The following HDAC9 variants were observed in gnomAD, a reference collection of about 807,000 sequenced individuals.
The protein encoded by HDAC9 is MEF-2 interacting transcription repressor (MITR) protein.
HDAC9 carries 41 observed loss-of-function variants against 139.4 expected under a neutral mutation model. The ratio of observed to expected loss-of-function variants is 0.29; its 90% CI spans 0.23 to 0.38. The LOEUF is 0.38. HDAC9 is among the 10% of genes least tolerant of loss of function. The probability of loss-of-function intolerance (pLI) is 1.00; values close to 1 mark genes in which losing one functional copy is unlikely to be tolerated. For synonymous variants in HDAC9, 517 were observed against 476.2 expected (o/e 1.09, Z -1.12); for missense variants, 1,147 against 1,297.0 (o/e 0.88, Z 1.78).
intron 12 of HDAC9, among the ~76,000 whole-genome samples, chr7:18,719,017 G>A (rs1784924979): frequency 6.6e-6 from 1 of 152,160 alleles, no homozygotes; most frequent in African/African-American, 2.4e-5. Context: ...ATCCCTGATA[G>A]CTAATGAAGT....
intron 2 of HDAC9, among the ~76,000 whole-genome samples, chr7:18,274,241 A>T (rs913446922): frequency 3.3e-5 from 5 of 152,176 alleles, no homozygotes; most frequent in Non-Finnish European, 5.9e-5. Flanking sequence ...ATTTATTTTT[A>T]AAAATAGTTT....
chr7:18,261,501 G>C, intron 2 of HDAC9, among the ~76,000 whole-genome samples: 1 of 152,146 alleles, frequency 6.6e-6, no homozygotes, highest in Non-Finnish European at 1.5e-5. Flanking sequence ...TTATAGGATA[G>C]TCACACAAGT....
At chr7:18,769,514 T>G (rs1214287846) in intron 16 of HDAC9, among the ~76,000 whole-genome samples, 1 of 151,560 alleles carries the variant, frequency 6.6e-6, no homozygotes, top group Non-Finnish European at 1.5e-5. Context: ...TGGAGAAGGT[T>G]GGAGAGATGT....
intron 16 of HDAC9, among the ~76,000 whole-genome samples, chr7:18,777,314 C>T (rs1790855727): frequency 7.1e-6 from 1 of 139,864 alleles, no homozygotes; most frequent in South Asian, 2.5e-4. Context: ...TAAAAATGTC[C>T]TGACATTTGC....
At position 18,328,119 on chromosome 7, in the gene HDAC9, A is replaced by G. The variant is rs956410237; in HGVS notation, c.-42+37604A>G. 3.3e-5 allele frequency among the ~76,000 whole-genome samples: 5 copies of G among 152,034 alleles called. No individual in the cohort carries two copies. In the East Asian group the frequency reaches 9.7e-4, roughly 29 times the overall value. ...CATTACAATAAAATGAAATTATAGA[A>G]ACTTAACCCATGAGTATTTTTCTCT... On this transcript the variant is annotated intron_variant, in intron 1 of 3. Coordinates refer to the HDAC9 transcript ENST00000413509.
rs148749171 is a variant in HDAC9 at position 18,278,488 on chromosome 7, G to A, written c.25+116139G>A. 8.5e-5 allele frequency among the ~76,000 whole-genome samples: 13 copies of A among 152,268 alleles called. No individual in the cohort carries two copies. In the East Asian group the frequency reaches 2.5e-3, roughly 29 times the overall value. ...TCTGTATTGTGCTGTTGCCACAGCAGCACCAATAATTCAAAACAAGGAAAT... is the reference window on the plus strand; with the variant it reads ...TCTGTATTGTGCTGTTGCCACAGCAACACCAATAATTCAAAACAAGGAAAT... On this transcript the variant is annotated intron_variant, in intron 2 of 12. Coordinates refer to the HDAC9 transcript ENST00000417496.
chr7:18,151,441 C>G (rs1450189057), intron 1 of HDAC9, among the ~76,000 whole-genome samples: 1 of 152,150 alleles, frequency 6.6e-6, no homozygotes, highest in African/African-American at 2.4e-5. Context: ...ATCAAGTAGC[C>G]TGTTTTACTG....
chr7:18,824,872 A>G (rs1390022394), intron 17 of HDAC9, among the ~76,000 whole-genome samples: 3 of 152,236 alleles, frequency 2.0e-5, no homozygotes, highest in African/African-American at 7.2e-5. Flanking sequence ...AGCATATTCA[A>G]TGAATGCATT....
At chr7:18,905,814 CTCA>C (rs1802184623) in intron 22 of HDAC9, among the ~76,000 whole-genome samples, 1 of 152,176 alleles carries the variant, frequency 6.6e-6, no homozygotes, top group African/African-American at 2.4e-5. Context: ...TTCCTTCTCC[CTCA>C]TCAAGTTTTA....
intron 1 of HDAC9, among the ~76,000 whole-genome samples, chr7:18,299,128 A>G (rs529346663): frequency 1.6e-4 from 25 of 152,264 alleles, no homozygotes; most frequent in African/African-American, 6.0e-4. Context: ...TCTGCATTGT[A>G]AAGTGGTACA....
At chr7:18,132,008 T>C (rs1303022724) in intron 1 of HDAC9, among the ~76,000 whole-genome samples, 1 of 152,190 alleles carries the variant, frequency 6.6e-6, no homozygotes, top group Non-Finnish European at 1.5e-5. Context: ...CACTGCTTGT[T>C]CTGTGGGCCA....
intron 22 of HDAC9, among the ~76,000 whole-genome samples, chr7:18,931,615 A>T (rs1028582102): frequency 1.3e-5 from 2 of 152,152 alleles, no homozygotes; most frequent in Non-Finnish European, 2.9e-5. Flanking sequence ...CAGAAGGGAA[A>T]ATCTAGGCAG....
intron 17 of HDAC9, among the ~76,000 whole-genome samples, chr7:18,811,193 C>T (rs1794145954): frequency 6.6e-6 from 1 of 151,402 alleles, no homozygotes; most frequent in African/African-American, 2.4e-5. Flanking sequence ...TGATCTTCTA[C>T]CAGCCTTTAG....
intron 2 of HDAC9, among the ~76,000 whole-genome samples, chr7:18,566,421 T>G (rs746669525): frequency 3.9e-5 from 6 of 152,214 alleles, no homozygotes; most frequent in Non-Finnish European, 5.9e-5. Context: ...GTATGGTGGT[T>G]ATTGATTTAC....
At chr7:18,921,053 C>T (rs1295830768) in intron 22 of HDAC9, among the ~76,000 whole-genome samples, 4 of 151,948 alleles carry the variant, frequency 2.6e-5, no homozygotes, top group Admixed American at 1.3e-4. Flanking sequence ...AAACTGGATC[C>T]CTTCCTTACA....
In HDAC9 at chr7:18,471,165, T is replaced by G. The variant is rs1457636042; in HGVS notation, c.-41-25097T>G. Among the ~76,000 whole-genome samples the G allele has an allele frequency of 4.6e-5, 7 of 152,260 alleles. 1 individual carries two copies. The highest frequency in any genetic ancestry group is 3.4e-3 in the Middle Eastern group (1 of 294). ...GAAAGAACAAGGACCTTTTTCCTCC[T>G]CTTTATTGCTATATTTCTAGCACTT... On this transcript the variant is annotated intron_variant, in intron 1 of 3. Transcript: ENST00000413509.
At chr7:18,804,967 TG>T (rs1793590404) in intron 17 of HDAC9, among the ~76,000 whole-genome samples, 1 of 152,140 alleles carries the variant, frequency 6.6e-6, no homozygotes, top group Non-Finnish European at 1.5e-5. Flanking sequence ...GCTAATTTTT[TG>T]TATTCTTTGA....
At chr7:18,484,626 C>T (rs1247584715) in intron 1 of HDAC9, among the ~76,000 whole-genome samples, 2 of 152,066 alleles carry the variant, frequency 1.3e-5, no homozygotes, top group Admixed American at 1.3e-4. Context: ...CATTTAGCTC[C>T]TAGATTTTAG....
intron 2 of HDAC9, among the ~76,000 whole-genome samples, chr7:18,555,166 A>G (rs1204315887): frequency 6.6e-6 from 1 of 152,220 alleles, no homozygotes; most frequent in Admixed American, 6.5e-5. Flanking sequence ...CCACTGTTGG[A>G]AATATAATTT....
Sources: allele counts gnomAD v4.1 joint callset (sites outside exome capture counted in the v4.1 genomes callset), GRCh38; gene constraint gnomAD v4.1.1; transcripts MANE v1.5; gene names NCBI Gene and HGNC (gene_info 2026-07-23, HGNC 2026-07-21).